Variants in HCN3 observed in about 807,000 individuals in gnomAD.
The protein encoded by HCN3 is potassium/sodium hyperpolarization-activated cyclic nucleotide-gated channel 3.
HCN3 carries 36 observed loss-of-function variants against 56.8 expected under a neutral mutation model. That is an observed-to-expected ratio of 0.63 (90% confidence interval 0.49 to 0.84). HCN3 has a LOEUF of 0.84. Among genes scored for constraint, HCN3 ranks in the 40% least tolerant of loss-of-function variants. The pLI is 0.00. For synonymous variants in HCN3, 425 were observed against 439.7 expected (o/e 0.97, Z 0.42); for missense variants, 930 against 1,079.3 (o/e 0.86, Z 1.94).
At chr1:155,278,206 T>C in intron 1 of HCN3, among the ~76,000 whole-genome samples, 1 of 152,186 alleles carries the variant, frequency 6.6e-6, no homozygotes, top group East Asian at 1.9e-4. Context: ...CCTCCAGTCC[T>C]GCTTGCTGGA....
rs1308589254 is a variant in HCN3 at position 155,289,455 on chromosome 1, C to T, written c.*992C>T. 1 of 152,248 alleles carries T rather than the reference C, an allele frequency of 6.6e-6. No homozygotes were observed. Among genetic ancestry groups the T allele is most frequent in the Non-Finnish European group, 1.5e-5 (1 of 68,048 alleles). 9.4% of individuals were successfully genotyped at this position (152,248 alleles called of 1,614,324 possible). On this transcript the variant is annotated 3_prime_UTR_variant, in exon 8 of 8. Coordinates refer to ENST00000368358, the MANE Select transcript of HCN3 (RefSeq NM_020897.3). ...CATGCCAGCCTCTGTGGTCCTTGCC[C>T]AAACCCATCAGCGCAATACTTGAAC...
rs146467190 is a variant in HCN3 at position 155,287,227 on chromosome 1, A to G, written c.1532A>G (p.Tyr511Cys). The change falls in exon 7 of 8, where the codon TAC (tyrosine) becomes TGC (cysteine). Residue 511 changes from tyrosine (Y) to cysteine (C), a missense_variant. Coordinates refer to ENST00000368358, the MANE Select transcript of HCN3 (RefSeq NM_020897.3). ...ACAGCCAGTGTTCGGGCTGACACCT[A>G]CTGCCGCCTTTACTCACTCAGCGTG... ...RRTASVRADT[Y>C]CRLYSLSVDH... 1.6e-3 allele frequency: 2,532 copies of G among 1,614,006 alleles called. 8 individuals are homozygous for G. The highest frequency in any genetic ancestry group is 3.6e-3 in the South Asian group (328 of 91,080).
rs775388459 is a variant in HCN3, at chr1:155,277,822, G to A, written c.232G>A (p.Val78Met). The A allele has an allele frequency of 2.2e-5, 35 of 1,612,310 alleles. No homozygotes were observed. Among genetic ancestry groups the A allele is most frequent in the Non-Finnish European group, 2.8e-5 (33 of 1,179,964 alleles). Residue 78 changes from valine to methionine, a missense_variant, in exon 1 of 8, where the codon GTG becomes ATG. Val to Met is a conservative substitution (Grantham distance 21). Transcript: ENST00000368358. ...HKAVEIEQER[V>M]KSAGAWIIHP... ...AGCAGTGGAAATCGAGCAGGAGCGG[G>A]TGAAGTCAGCGGGGGCCTGGATCAT...
At chr1:155,287,037 G>A (rs1257991608) in intron 6 of HCN3, 136 bp from the exon 7 acceptor site, 8 of 941,588 alleles carry the variant, frequency 8.5e-6, no homozygotes, top group South Asian at 1.6e-5. Flanking sequence ...CCTGGGGCAC[G>A]GAGGTAATAG....
rs369597587 is a variant in HCN3, at chr1:155,283,962, C to G, written c.709-12C>G. On this transcript the variant is annotated splice_polypyrimidine_tract_variant and intron_variant, in intron 2 of 7. Transcript: ENST00000368358. ...GTTCCTGTCCACAGCAGCTCCTCCT[C>G]GGACTCCTCAGATCTTTCACATGAC... The G allele has an allele frequency of 1.2e-6, 2 of 1,608,012 alleles. No individual in the cohort carries two copies. Among genetic ancestry groups the G allele is most frequent in the Non-Finnish European group, 1.7e-6 (2 of 1,175,116 alleles).
In HCN3 at chr1:155,285,981, G is replaced by C. The variant is rs371369482; in HGVS notation, c.1477+17G>C. 273 of 1,562,100 alleles carry C rather than the reference G, an allele frequency of 1.7e-4. No individual in the cohort carries two copies. The highest frequency in any genetic ancestry group is 2.3e-4 in the Non-Finnish European group (267 of 1,150,100). On this transcript the variant is annotated intron_variant, in intron 6 of 7. Coordinates refer to ENST00000368358, the MANE Select transcript of HCN3 (RefSeq NM_020897.3). The surrounding 1 kb of genome is among the most constrained non-coding windows in gnomAD (Gnocchi z 4.5). The stretch of plus-strand genomic sequence containing the variant: ...ACTTTGGGGGTCAGCAGGCCTCAGG[G>C]AGGGTGGCAGGGTCACGAGCAGACA...
intron 7 of HCN3, 27 bp downstream of exon 7, chr1:155,287,364 T>G (rs755487530): frequency 6.2e-7 from 1 of 1,612,688 alleles, no homozygotes; most frequent in Non-Finnish European, 8.5e-7. Context: ...CCATCTGCTC[T>G]GGGTCCAGAC....
Position 155,288,591 on chromosome 1 carries a change from T to TG in HCN3, c.*128_*129insG. On this transcript the variant is annotated 3_prime_UTR_variant, in exon 8 of 8. Coordinates refer to ENST00000368358, the MANE Select transcript of HCN3 (RefSeq NM_020897.3). This position sits in a 1 kb window ranked among gnomAD's most constrained non-coding sequence, Gnocchi z 6.5. The stretch of plus-strand genomic sequence containing the variant: ...TGGAAATGTCGACCCTGTGCGGACA[T>TG]TCCGCATACTGCCATGAAGACGGTC... The TG allele has an allele frequency of 8.6e-7, 1 of 1,165,104 alleles. No homozygotes were observed. The highest frequency in any genetic ancestry group is 1.2e-6 in the Non-Finnish European group (1 of 836,776). The allele number at this position is 1,165,104 out of a possible 1,614,324, so 72.2% of individuals were successfully genotyped here. A position where few individuals can be genotyped will look rare whatever the true frequency, so the allele number is the denominator to read the frequency against.
At position 155,284,867 on chromosome 1, in the gene HCN3, C is replaced by T; in HGVS notation, c.1089+110C>T. 1 of 1,039,888 alleles carries T rather than the reference C, an allele frequency of 9.6e-7. No homozygotes were observed. Among genetic ancestry groups the T allele is most frequent in the Non-Finnish European group, 1.4e-6 (1 of 713,550 alleles). The allele number at this position is 1,039,888 out of a possible 1,614,324, so 64.4% of individuals were successfully genotyped here. On this transcript the variant is annotated intron_variant, in intron 4 of 7. Coordinates refer to ENST00000368358, the MANE Select transcript of HCN3 (RefSeq NM_020897.3). This position sits in a 1 kb window ranked among gnomAD's most constrained non-coding sequence, Gnocchi z 4.3. Reference sequence around the variant, plus strand: ...CCCCTGTTGCGTCTCTGTTTCCTTTCCTGCCCTGTGTCCATTTGTTCCCTG... The same window carrying T: ...CCCCTGTTGCGTCTCTGTTTCCTTTTCTGCCCTGTGTCCATTTGTTCCCTG...
Position 155,284,369 on chromosome 1 carries a change from T to C in HCN3, c.871-170T>C. On this transcript the variant is annotated intron_variant, in intron 3 of 7. Transcript: ENST00000368358. This position sits in a 1 kb window ranked among gnomAD's most constrained non-coding sequence, Gnocchi z 4.3. Reference sequence around the variant, plus strand: ...GGAAGCTGAGGCCCCCAAGTTGCAATAGAGGACCCTTTTGCCTCAGGGCCC... The same window carrying C: ...GGAAGCTGAGGCCCCCAAGTTGCAACAGAGGACCCTTTTGCCTCAGGGCCC... 2 of 853,508 alleles carry C rather than the reference T, an allele frequency of 2.3e-6. No homozygotes were observed. Among genetic ancestry groups the C allele is most frequent in the Non-Finnish European group, 3.5e-6 (2 of 567,834 alleles). 52.9% of individuals were successfully genotyped at this position (853,508 alleles called of 1,614,324 possible).
rs747373330 is a variant in HCN3, at chr1:155,288,167, C to T, written c.2029C>T (p.Arg677Ter). 3.8e-6 allele frequency: 6 copies of T among 1,579,602 alleles called. No individual in the cohort carries two copies. The highest frequency in any genetic ancestry group is 3.6e-5 in the Admixed American group (2 of 55,920). The change falls in exon 8 of 8, where the codon CGA becomes TGA. Residue 677 changes from arginine (R) to a stop codon, truncating the protein, a stop_gained. Coordinates refer to ENST00000368358, the MANE Select transcript of HCN3 (RefSeq NM_020897.3). LOFTEE classifies it high-confidence loss of function. This position sits in a 1 kb window ranked among gnomAD's most constrained non-coding sequence, Gnocchi z 6.5. Reference sequence around the variant, plus strand: ...CTCCCGCCTGCCCGCCCCACCTGCCCGAACCCTGCACGCCAGCCTATCCCG... The same window carrying T: ...CTCCCGCCTGCCCGCCCCACCTGCCTGAACCCTGCACGCCAGCCTATCCCG... Reference protein sequence around the residue: ...STSRLPAPPARTLHASLSRAG... With the variant: ...STSRLPAPPA
rs1453694786 is a variant in HCN3 at position 155,287,841 on chromosome 1, G to A, written c.1703G>A (p.Gly568Asp). Reference protein sequence around the residue: ...RSEPSPGSSGGIMEQHLVQHD... With the variant: ...RSEPSPGSSGDIMEQHLVQHD... ...GAGCCAAGTCCAGGCAGCAGTGGTGGCATCATGGAGCAGCACTTGGTGCAA... is the reference window on the plus strand; with the variant it reads ...GAGCCAAGTCCAGGCAGCAGTGGTGACATCATGGAGCAGCACTTGGTGCAA... Residue 568 changes from glycine (G) to aspartate (D), a missense_variant, in exon 8 of 8, where the codon GGC (glycine) becomes GAC (aspartate). Gly to Asp is a moderately conservative substitution (Grantham distance 94). Coordinates refer to ENST00000368358, the MANE Select transcript of HCN3 (RefSeq NM_020897.3). 11 of 1,612,552 alleles carry A rather than the reference G, an allele frequency of 6.8e-6. No individual in the cohort carries two copies. Among genetic ancestry groups the A allele is most frequent in the African/African-American group, 1.3e-5 (1 of 74,910 alleles).
chr1:155,285,054 AC>A lies in HCN3; in HGVS notation c.1090-107del, dbSNP rs141671524. 11,246 of 1,246,726 alleles carry A rather than the reference AC, an allele frequency of 9.0e-3. 564 individuals are homozygous for A. In the East Asian group the frequency reaches 0.15, roughly 17 times the overall value. 77.2% of individuals were successfully genotyped at this position (1,246,726 alleles called of 1,614,324 possible). A position where few individuals can be genotyped will look rare whatever the true frequency, so the allele number is the denominator to read the frequency against. Reference sequence around the variant, plus strand: ...GTATCCATGTCTGGTTCCACGTTTCACCCCTTTGAGTTTGACCTGTGTCTCT... The same window carrying A: ...GTATCCATGTCTGGTTCCACGTTTCACCCTTTGAGTTTGACCTGTGTCTCT... On this transcript the variant is annotated intron_variant, in intron 4 of 7. Coordinates refer to ENST00000368358, the MANE Select transcript of HCN3 (RefSeq NM_020897.3). This position sits in a 1 kb window ranked among gnomAD's most constrained non-coding sequence, Gnocchi z 4.5.
intron 1 of HCN3, among the ~76,000 whole-genome samples, chr1:155,279,209 T>C (rs190686585): frequency 1.9e-4 from 29 of 152,338 alleles, no homozygotes; most frequent in African/African-American, 5.1e-4. Context: ...ACACTGGGAT[T>C]AGGTGTGTCC....
At chr1:155,286,023 C>T (rs1674272856) in intron 6 of HCN3, 59 bp downstream of exon 6, 3 of 1,526,248 alleles carry the variant, frequency 2.0e-6, no homozygotes, top group Admixed American at 2.0e-5. Context: ...AGGGCAACTG[C>T]TCCCAGGCTC....
chr1:155,284,685 C>T lies in HCN3; in HGVS notation c.1017C>T (p.Tyr339=), dbSNP rs532118771. 153 of 1,614,226 alleles carry T rather than the reference C, an allele frequency of 9.5e-5. No homozygotes were observed. The highest frequency in any genetic ancestry group is 8.3e-4 in the Middle Eastern group (5 of 6,054). ...GCATGATCGTAGGTGCCACATGCTA[C>T]GCCATGTTCATCGGCCATGCCACGG... The part of the protein sequence containing the change: ...MLSMIVGATC[Y]AMFIGHATAL... Residue 339 remains tyrosine (Y), a synonymous_variant, in exon 4 of 8, where the codon TAC becomes TAT. Coordinates refer to ENST00000368358, the MANE Select transcript of HCN3 (RefSeq NM_020897.3). The surrounding 1 kb of genome is among the most constrained non-coding windows in gnomAD (Gnocchi z 4.3).
Position 155,284,444 on chromosome 1 carries a change from G to T in HCN3, c.871-95G>T. The T allele has an allele frequency of 7.6e-7, 1 of 1,320,294 alleles. No individual in the cohort carries two copies. The highest frequency in any genetic ancestry group is 1.0e-6 in the Non-Finnish European group (1 of 966,226). 81.8% of individuals were successfully genotyped at this position (1,320,294 alleles called of 1,614,324 possible). A position where few individuals can be genotyped will look rare whatever the true frequency, so the allele number is the denominator to read the frequency against. Reference sequence around the variant, plus strand: ...CCAGGAGGAAGGCCTGCAGTAGAAGGGGCAGACAGAAAGACCAAAGAAGGA... The same window carrying T: ...CCAGGAGGAAGGCCTGCAGTAGAAGTGGCAGACAGAAAGACCAAAGAAGGA... On this transcript the variant is annotated intron_variant, in intron 3 of 7. Transcript: ENST00000368358. This position sits in a 1 kb window ranked among gnomAD's most constrained non-coding sequence, Gnocchi z 4.3.
intron 1 of HCN3, among the ~76,000 whole-genome samples, chr1:155,280,736 C>CT (rs1557945237): frequency 5.7e-5 from 6 of 104,870 alleles, no homozygotes; most frequent in African/African-American, 7.9e-5. Context: ...CCACGCCCAG[C>CT]TATTTTTTTT....
In HCN3 at chr1:155,288,221, G is replaced by T. The variant is rs775275662; in HGVS notation, c.2083G>T (p.Gly695Cys). The stretch of plus-strand genomic sequence containing the variant: ...AGGGCGCTCCCAGGTCTCCCTGCTG[G>T]GTCCCCCTCCAGGAGGAGGTGGACG... ...RAGRSQVSLL[G>C]PPPGGGGRRL... Residue 695 changes from glycine to cysteine, a missense_variant, in exon 8 of 8, where the codon GGT (glycine) becomes TGT (cysteine). By Grantham distance (159) the Gly-to-Cys change is radical. Coordinates refer to ENST00000368358, the MANE Select transcript of HCN3 (RefSeq NM_020897.3). The surrounding 1 kb of genome is among the most constrained non-coding windows in gnomAD (Gnocchi z 6.5). 4 of 1,578,074 alleles carry T rather than the reference G, an allele frequency of 2.5e-6. No homozygotes were observed. In the Admixed American group the frequency reaches 7.3e-5, roughly 29 times the overall value.
Sources: allele counts gnomAD v4.1 joint callset (sites outside exome capture counted in the v4.1 genomes callset), GRCh38; gene constraint gnomAD v4.1.1; non-coding constraint Gnocchi (gnomAD v3.1); transcripts MANE v1.5; gene names NCBI Gene and HGNC (gene_info 2026-07-23, HGNC 2026-07-21).